Variants in CIMIP4 observed in about 807,000 individuals in gnomAD.
CIMIP4 encodes the protein ciliary microtubule inner protein 4.
the CIMIP4 span, chr22:37,004,160 G>C: frequency 2.2e-5 from 16 of 737,500 alleles, 2 homozygotes; most frequent in South Asian, 2.9e-4. Context: ...AGCTGCCCCT[G>C]GTGCCCTCTG....
At chr22:37,000,712 T>C in the CIMIP4 span, among the ~76,000 whole-genome samples, 1 of 152,158 alleles carries the variant, frequency 6.6e-6, no homozygotes, top group Non-Finnish European at 1.5e-5. Flanking sequence ...AAAACACGGA[T>C]TTCTTGATTC....
At chr22:36,992,376 A>G in the CIMIP4 span, among the ~76,000 whole-genome samples, 3 of 152,104 alleles carry the variant, frequency 2.0e-5, no homozygotes, top group Non-Finnish European at 2.9e-5. Flanking sequence ...CAAAAAACCT[A>G]TATTTAATGA....
At chr22:36,993,659 G>T in the CIMIP4 span, among the ~76,000 whole-genome samples, 1 of 151,986 alleles carries the variant, frequency 6.6e-6, no homozygotes, top group Non-Finnish European at 1.5e-5. Flanking sequence ...AACCCAGGAG[G>T]CGGAGCTTGC....
the CIMIP4 span, among the ~76,000 whole-genome samples, chr22:36,992,279 G>A: frequency 3.9e-5 from 6 of 152,106 alleles, no homozygotes; most frequent in South Asian, 2.1e-4. Context: ...CCCGGGAGGC[G>A]GAGGTTGCAG....
At chr22:36,994,388 C>T in the CIMIP4 span, among the ~76,000 whole-genome samples, 160 of 147,992 alleles carry the variant, frequency 1.1e-3, 1 homozygote, top group African/African-American at 3.7e-3. Context: ...GCGCGATCTC[C>T]GCTCACTATA....
chr22:37,001,981 T>A, the CIMIP4 span: 1 of 1,614,004 alleles, frequency 6.2e-7, no homozygotes, highest in Non-Finnish European at 8.5e-7. Context: ...TCCCCTGGCA[T>A]GGCTGAGCCC....
the CIMIP4 span, among the ~76,000 whole-genome samples, chr22:36,993,232 G>C: frequency 6.6e-6 from 1 of 151,536 alleles, no homozygotes; most frequent in African/African-American, 2.4e-5. Flanking sequence ...GGATGGTCTG[G>C]ATCTCTTGAC....
the CIMIP4 span, among the ~76,000 whole-genome samples, chr22:37,003,557 A>C: frequency 6.6e-6 from 1 of 152,028 alleles, no homozygotes; most frequent in Admixed American, 6.6e-5. Flanking sequence ...TCCTGCCTGG[A>C]ACACTCCCCT....
chr22:37,001,773 G>A, the CIMIP4 span: 4 of 1,428,384 alleles, frequency 2.8e-6, no homozygotes, highest in Non-Finnish European at 3.7e-6. Context: ...GTACTCAAGA[G>A]TGAGTTTATC....
chr22:37,001,964 T>A, the CIMIP4 span: 2 of 1,613,956 alleles, frequency 1.2e-6, no homozygotes, highest in South Asian at 2.2e-5. Flanking sequence ...GCTGGGACCG[T>A]CATCCGTCCC....
chr22:36,995,429 G>A, the CIMIP4 span, among the ~76,000 whole-genome samples: 238 of 152,304 alleles, frequency 1.6e-3, 1 homozygote, highest in African/African-American at 5.4e-3. Context: ...TCCTTCTGAA[G>A]CTGGAGCCAC....
chr22:37,006,202 T>C, the CIMIP4 span, among the ~76,000 whole-genome samples: 1 of 151,924 alleles, frequency 6.6e-6, no homozygotes, highest in African/African-American at 2.4e-5. Flanking sequence ...CAACTTCGGG[T>C]AAAAGGGATA....
chr22:37,002,328 G>A, the CIMIP4 span: 23 of 1,307,370 alleles, frequency 1.8e-5, no homozygotes, highest in South Asian at 6.4e-4. Flanking sequence ...GAGAAACAGA[G>A]GGGGAGGGAG....
chr22:37,001,552 G>A, the CIMIP4 span, among the ~76,000 whole-genome samples: 67 of 152,062 alleles, frequency 4.4e-4, no homozygotes, highest in African/African-American at 1.3e-3. Context: ...CCCTCGTCTC[G>A]CACAGTTAGG....
chr22:36,992,908 T>C, the CIMIP4 span, among the ~76,000 whole-genome samples: 1 of 149,892 alleles, frequency 6.7e-6, no homozygotes, highest in Admixed American at 6.7e-5. Flanking sequence ...TATATATACA[T>C]ATATCTAAAT....
the CIMIP4 span, among the ~76,000 whole-genome samples, chr22:37,006,579 A>C: frequency 6.6e-6 from 1 of 152,248 alleles, no homozygotes; most frequent in Non-Finnish European, 1.5e-5. Context: ...GAGGAGCCTC[A>C]GCCACACCTG....
At chr22:36,991,280 C>T in the CIMIP4 span, 16 of 1,614,006 alleles carry the variant, frequency 9.9e-6, no homozygotes, top group African/African-American at 2.1e-4. Flanking sequence ...CACCGCCCTA[C>T]AGCGAGCAGG....
chr22:37,002,294 G>A, the CIMIP4 span: 4 of 1,427,794 alleles, frequency 2.8e-6, no homozygotes, highest in Non-Finnish European at 3.7e-6. Context: ...CCTGGTGAAA[G>A]TGGTTGTACC....
chr22:36,999,666 G>T, the CIMIP4 span, among the ~76,000 whole-genome samples: 1 of 150,654 alleles, frequency 6.6e-6, no homozygotes, highest in African/African-American at 2.4e-5. Flanking sequence ...GGGACTGGAT[G>T]TTCCCAGCAC....
Sources: allele counts gnomAD v4.1 joint callset (sites outside exome capture counted in the v4.1 genomes callset), GRCh38; gene constraint gnomAD v4.1.1; transcripts MANE v1.5; gene names NCBI Gene and HGNC (gene_info 2026-07-23, HGNC 2026-07-21).